The following MYOF variants were observed in gnomAD, a reference collection of about 807,000 sequenced individuals.
MYOF encodes the protein fer-1-like 3, myoferlin.
A neutral mutation model predicts 284.2 loss-of-function variants in MYOF; 244 were observed. The observed-to-expected ratio is 0.86, with a 90% CI of 0.77 to 0.95. The LOEUF (loss-of-function observed/expected upper bound fraction) is 0.95, where lower values mean the gene tolerates loss of function less well. Ranked by LOEUF, MYOF falls within the 40% of genes least tolerant of loss-of-function variation. MYOF has a pLI of 0.00. For missense variants in MYOF, 2,496 were observed against 2,560.6 expected, an observed-to-expected ratio of 0.97 and a Z score of 0.54; for synonymous variants, 904 against 919.7, an observed-to-expected ratio of 0.98 and a Z score of 0.31.
rs915457314 is a variant in MYOF at position 93,429,085 on chromosome 10, G to A, written c.345+2323C>T. Among the ~76,000 whole-genome samples, 7 of 152,300 alleles carry A rather than the reference G, an allele frequency of 4.6e-5. No individual in the cohort carries two copies. In the South Asian group the frequency reaches 8.3e-4, roughly 18 times the overall value. On this transcript the variant is annotated intron_variant, in intron 4 of 53. Transcript: ENST00000359263. ...GAGTTGGGCCCTGGTGGGAGTTTTTGGGTCATGGGGGCGGATCCCTCACGA... is the reference window on the plus strand; with the variant it reads ...GAGTTGGGCCCTGGTGGGAGTTTTTAGGTCATGGGGGCGGATCCCTCACGA...
chr10:93,457,631 G>T (rs568167996), intron 1 of MYOF, among the ~76,000 whole-genome samples: 1 of 152,272 alleles, frequency 6.6e-6, no homozygotes, highest in Admixed American at 6.5e-5. Context: ...TTGTAGCAAA[G>T]TCCAAAGAGC....
chr10:93,353,994 G>C (rs1159703683), intron 31 of MYOF, 106 bp from the exon 32 acceptor site: 9 of 849,694 alleles, frequency 1.1e-5, no homozygotes, highest in Non-Finnish European at 1.7e-5. Context: ...TGGGTCACTT[G>C]AATCTATTAT....
intron 2 of MYOF, among the ~76,000 whole-genome samples, chr10:93,453,259 G>A (rs1415607526): frequency 2.0e-5 from 3 of 151,976 alleles, no homozygotes; most frequent in Non-Finnish European, 4.4e-5. Flanking sequence ...TCCACTTCCC[G>A]GGTTCAAGCA....
intron 53 of MYOF, among the ~76,000 whole-genome samples, chr10:93,308,590 A>G (rs1589364915): frequency 6.6e-6 from 1 of 151,864 alleles, no homozygotes; most frequent in East Asian, 1.9e-4. Context: ...GTCTCAAAAA[A>G]AAAAAAAAAA....
At chr10:93,443,450 TTCTCTC>T (rs146232847) in intron 3 of MYOF, among the ~76,000 whole-genome samples, 1 of 143,562 alleles carries the variant, frequency 7.0e-6, no homozygotes, top group Non-Finnish European at 1.5e-5. Flanking sequence ...CTCCTCTTTC[TTCTCTC>T]TCTCTCTCTC....
chr10:93,396,214 T>G lies in MYOF; in HGVS notation c.1345A>C (p.Thr449Pro). 6.3e-7 allele frequency: 1 copy of G among 1,599,396 alleles called. No individual in the cohort carries two copies. The highest frequency in any genetic ancestry group is 1.1e-5 in the South Asian group (1 of 87,560). Residue 449 changes from threonine (T) to proline (P), a missense_variant, in exon 16 of 54, where the codon ACT (threonine) becomes CCT (proline). Around this residue, in one of 3 missense-constraint regions of MYOF, gnomAD observed 2,436 missense variants for 2,480.7 expected, o/e 0.98. Coordinates refer to ENST00000359263, the MANE Select transcript of MYOF (RefSeq NM_013451.4). Reference protein sequence around the residue: ...KLTIYDWDRLTKNDVVGTTYL... With the variant: ...KLTIYDWDRLPKNDVVGTTYL... ...GTTGTTCCAACTACATCATTTTTAG[T>G]AAGACGGTCCCTGTGTAAAAAATAA...
chr10:93,420,058 A>C (rs1487536264), intron 5 of MYOF, among the ~76,000 whole-genome samples: 1 of 152,124 alleles, frequency 6.6e-6, no homozygotes, highest in Non-Finnish European at 1.5e-5. Context: ...CCTTGAACCC[A>C]GGAGGTAGAG....
At chr10:93,315,219 C>A (rs1426720605) in intron 50 of MYOF, among the ~76,000 whole-genome samples, 1 of 152,136 alleles carries the variant, frequency 6.6e-6, no homozygotes, top group Non-Finnish European at 1.5e-5. Flanking sequence ...AAGACACAGC[C>A]TTTGGTGGGT....
At position 93,478,420 on chromosome 10, in the gene MYOF, TC is replaced by T. The variant is rs201531354; in HGVS notation, c.88+3686del. 5 of 163,516 alleles carry T rather than the reference TC, an allele frequency of 3.1e-5. 1 individual carries two copies. The East Asian group carries it at 8.9e-4, about 29-fold the overall frequency. 10.1% of individuals were successfully genotyped at this position (163,516 alleles called of 1,614,324 possible). A position where few individuals can be genotyped will look rare whatever the true frequency, so the allele number is the denominator to read the frequency against. The stretch of plus-strand genomic sequence containing the variant: ...AAAAATTACATAAGCGTTGTGGCTT[TC>T]ATAATCTACACCTGCGCTGCTGAAC... On this transcript the variant is annotated intron_variant, in intron 1 of 53. Transcript: ENST00000359263.
chr10:93,464,540 C>T (rs1490826962), intron 1 of MYOF, among the ~76,000 whole-genome samples: 1 of 152,308 alleles, frequency 6.6e-6, no homozygotes, highest in Non-Finnish European at 1.5e-5. Flanking sequence ...CCCAGCCCCT[C>T]TGACTGAACT....
chr10:93,341,457 A>G (rs1038771671), intron 38 of MYOF, among the ~76,000 whole-genome samples: 6 of 152,082 alleles, frequency 3.9e-5, no homozygotes, highest in African/African-American at 1.4e-4. Flanking sequence ...TTGTATTTTT[A>G]GTAGAGACGG....
At chr10:93,340,006 G>C (rs1434326120) in intron 39 of MYOF, 147 bp downstream of exon 39, 9 of 772,912 alleles carry the variant, frequency 1.2e-5, no homozygotes, top group East Asian at 8.6e-5. Flanking sequence ...GTGAACCCCG[G>C]GGGGCGGAGC....
At chr10:93,455,483 C>T (rs961994542) in intron 2 of MYOF, among the ~76,000 whole-genome samples, 4 of 151,914 alleles carry the variant, frequency 2.6e-5, no homozygotes, top group African/African-American at 9.7e-5. Context: ...GCCTGGGCAA[C>T]ACGGCAAAAG....
chr10:93,318,543 GAGGTCAGGAGTTCA>G (rs1842717268), intron 49 of MYOF, among the ~76,000 whole-genome samples: 1 of 152,158 alleles, frequency 6.6e-6, no homozygotes, highest in South Asian at 2.1e-4. Context: ...TGGATCACCT[GAGGTCAGGAGTTCA>G]AGACCAGCCT....
At chr10:93,337,605 G>C (rs1042925286) in intron 40 of MYOF, 6 of 495,430 alleles carry the variant, frequency 1.2e-5, no homozygotes, top group African/African-American at 2.0e-5. Flanking sequence ...TGGCAGTCAC[G>C]TAACCATAAC....
rs1344338575 is a variant in MYOF at position 93,369,685 on chromosome 10, T to A, written c.2549A>T (p.Asn850Ile). 3 of 1,614,108 alleles carry A rather than the reference T, an allele frequency of 1.9e-6. No individual in the cohort carries two copies. The highest frequency in any genetic ancestry group is 2.5e-6 in the Non-Finnish European group (3 of 1,180,040). Reference protein sequence around the residue: ...LGLSAVEKKFNSFAEGTFTVF... With the variant: ...LGLSAVEKKFISFAEGTFTVF... ...GGTGAAAGTTCCTTCTGCGAAGCTGTTAAACTTCTTCTCCACAGCACTTAA... is the reference window on the plus strand; with the variant it reads ...GGTGAAAGTTCCTTCTGCGAAGCTGATAAACTTCTTCTCCACAGCACTTAA... Residue 850 changes from asparagine (N) to isoleucine (I), a missense_variant, in exon 25 of 54, where the codon AAC becomes ATC. Physicochemically the swap from Asn to Ile is moderately radical, Grantham distance 149. This residue lies in a region of MYOF where 2,436 missense variants were observed against 2,480.7 expected (regional missense o/e 0.98). Transcript: ENST00000359263.
intron 43 of MYOF, 34 bp from the exon 44 acceptor site, chr10:93,329,868 G>T (rs371460666): frequency 6.8e-6 from 11 of 1,609,866 alleles, no homozygotes; most frequent in South Asian, 5.5e-5. Context: ...GAATCTTCAT[G>T]ATCCATCTGA....
At chr10:93,425,982 T>C (rs1479269962) in intron 5 of MYOF, 89 bp downstream of exon 5, 1 of 1,350,220 alleles carries the variant, frequency 7.4e-7, no homozygotes, top group East Asian at 2.5e-5. Context: ...AGGCTTGTGA[T>C]CAATGGCAGG....
In MYOF at chr10:93,310,172, A is replaced by C. The variant is rs374496246; in HGVS notation, c.6000-5T>G. On this transcript the variant is annotated splice_polypyrimidine_tract_variant and splice_region_variant and intron_variant, in intron 52 of 53. Transcript: ENST00000359263. The stretch of plus-strand genomic sequence containing the variant: ...AGGAAGGAGGTTTCTGGTCGACTGC[A>C]TTGCAAAGAAACAGTATCACCTACC... 6.2e-7 allele frequency: 1 copy of C among 1,613,794 alleles called. No homozygotes were observed. The highest frequency in any genetic ancestry group is 1.3e-5 in the African/African-American group (1 of 74,938).
Sources: allele counts gnomAD v4.1 joint callset (sites outside exome capture counted in the v4.1 genomes callset), GRCh38; gene constraint gnomAD v4.1.1; regional missense constraint gnomAD v4.1.1; transcripts MANE v1.5; gene names NCBI Gene and HGNC (gene_info 2026-07-23, HGNC 2026-07-21).